SPECC1L: variants seen among roughly 807,000 people sequenced by gnomAD.
SPECC1L encodes sperm antigen with calponin homology and coiled-coil domains 1 like, also known as cytospin-A.
Under a neutral mutation model 116.8 loss-of-function variants are expected in SPECC1L, and 40 were observed. That is an observed-to-expected ratio of 0.34 (90% CI 0.27 to 0.45). SPECC1L has a LOEUF of 0.45. Ranked by LOEUF, SPECC1L falls within the 20% of genes least tolerant of loss-of-function variation. The pLI is 1.00. For synonymous variants in SPECC1L, 504 were observed against 500.6 expected (o/e 1.01, Z -0.09); for missense variants, 1,110 against 1,373.6 (o/e 0.81, Z 3.03).
intron 11 of SPECC1L, among the ~76,000 whole-genome samples, chr22:24,354,132 G>A (rs1176645138): frequency 1.3e-5 from 2 of 152,108 alleles, no homozygotes; most frequent in Non-Finnish European, 2.9e-5. Flanking sequence ...ATCTCACAAG[G>A]ACAGCACCAA....
intron 11 of SPECC1L, among the ~76,000 whole-genome samples, chr22:24,355,303 A>AG (rs1464090606): frequency 3.3e-5 from 5 of 149,972 alleles, no homozygotes; most frequent in African/African-American, 9.8e-5. Flanking sequence ...AAAAAAAAAA[A>AG]GGAAACCAAG....
chr22:24,273,089 TTG>T (rs1314158124), intron 1 of SPECC1L, among the ~76,000 whole-genome samples: 2 of 152,212 alleles, frequency 1.3e-5, no homozygotes, highest in Non-Finnish European at 2.9e-5. Context: ...AAAGTGAAGT[TTG>T]TATCAAAATT....
chr22:24,290,747 C>G (rs775269369), intron 2 of SPECC1L, among the ~76,000 whole-genome samples: 4 of 152,234 alleles, frequency 2.6e-5, no homozygotes, highest in Non-Finnish European at 5.9e-5. Flanking sequence ...TGGAGTCTCA[C>G]TCCAAGTCTT....
At chr22:24,332,041 G>C (rs1569424056) in intron 8 of SPECC1L, among the ~76,000 whole-genome samples, 1 of 152,160 alleles carries the variant, frequency 6.6e-6, no homozygotes, top group Admixed American at 6.5e-5. Flanking sequence ...AGTTTGAGCT[G>C]CTTTCTTTTT....
At chr22:24,288,111 G>A (rs1179577237) in intron 2 of SPECC1L, among the ~76,000 whole-genome samples, 1 of 152,012 alleles carries the variant, frequency 6.6e-6, no homozygotes, top group African/African-American at 2.4e-5. Flanking sequence ...CAGAACTGTG[G>A]CTTTCTCAGC....
intron 10 of SPECC1L, among the ~76,000 whole-genome samples, chr22:24,342,931 G>A (rs966125741): frequency 2.0e-5 from 3 of 152,102 alleles, no homozygotes; most frequent in Admixed American, 6.5e-5. Context: ...AGTGGCTCAC[G>A]CCTATAATCC....
chr22:24,311,732 A>C (rs192962524), intron 3 of SPECC1L, among the ~76,000 whole-genome samples: 183 of 150,462 alleles, frequency 1.2e-3, no homozygotes, highest in African/African-American at 4.0e-3. Context: ...TTGTACCCGG[A>C]AGGTGGAGAT....
chr22:24,304,872 C>G (rs2049459552), intron 3 of SPECC1L, among the ~76,000 whole-genome samples: 1 of 152,186 alleles, frequency 6.6e-6, no homozygotes, highest in African/African-American at 2.4e-5. Flanking sequence ...TTGGGCTTGA[C>G]TTAGAGAAGT....
intron 1 of SPECC1L, 24 bp from the exon 2 acceptor site, chr22:24,276,676 C>T (rs1230263168): frequency 4.9e-6 from 2 of 408,274 alleles, no homozygotes; most frequent in Non-Finnish European, 9.6e-6. Flanking sequence ...TAAAGCTATT[C>T]TATTCTTCCT....
chr22:24,310,165 C>G (rs1454234382), intron 3 of SPECC1L, among the ~76,000 whole-genome samples: 1 of 152,222 alleles, frequency 6.6e-6, no homozygotes, highest in Non-Finnish European at 1.5e-5. Context: ...AAATCTCTCT[C>G]CATACCAATT....
chr22:24,323,635 T>G (rs2040763926), intron 5 of SPECC1L, among the ~76,000 whole-genome samples: 1 of 152,252 alleles, frequency 6.6e-6, no homozygotes, highest in South Asian at 2.1e-4. Flanking sequence ...ATTTATTTGT[T>G]ATTTTAGTGC....
At chr22:24,339,194 G>A (rs1018648949) in intron 10 of SPECC1L, among the ~76,000 whole-genome samples, 2 of 152,166 alleles carry the variant, frequency 1.3e-5, no homozygotes, top group Admixed American at 6.5e-5. Context: ...CTCCTTCACA[G>A]CATGGTTATC....
chr22:24,329,062 T>A (rs957989523), intron 7 of SPECC1L, 143 bp downstream of exon 7: 2 of 708,076 alleles, frequency 2.8e-6, no homozygotes. Context: ...AGAAAGCAAA[T>A]GCTATCATTT....
chr22:24,341,576 A>G (rs1185887905), intron 10 of SPECC1L, among the ~76,000 whole-genome samples: 1 of 152,226 alleles, frequency 6.6e-6, no homozygotes, highest in Non-Finnish European at 1.5e-5. Flanking sequence ...GGAGATCCTT[A>G]AGTAGCTATA....
intron 14 of SPECC1L, among the ~76,000 whole-genome samples, chr22:24,371,110 GA>G (rs1449657588): frequency 6.6e-6 from 1 of 151,238 alleles, no homozygotes; most frequent in Non-Finnish European, 1.5e-5. Context: ...ACTGCAAAAA[GA>G]AAAAAAAGAA....
chr22:24,357,656 T>A (rs2041558748), intron 11 of SPECC1L, among the ~76,000 whole-genome samples: 1 of 152,230 alleles, frequency 6.6e-6, no homozygotes, highest in Non-Finnish European at 1.5e-5. Context: ...GAGTTTGAGT[T>A]AATCTGCTCA....
intron 11 of SPECC1L, among the ~76,000 whole-genome samples, chr22:24,355,324 T>TAAATGTGC (rs2041508918): frequency 6.7e-6 from 1 of 149,116 alleles, no homozygotes; most frequent in Admixed American, 6.7e-5. Flanking sequence ...ATCCAGGTGC[T>TAAATGTGC]AAATGTGCTC....
intron 6 of SPECC1L, among the ~76,000 whole-genome samples, chr22:24,325,442 T>C (rs1045395112): frequency 2.0e-5 from 3 of 152,152 alleles, no homozygotes; most frequent in Non-Finnish European, 2.9e-5. Flanking sequence ...ACTGTAGAGA[T>C]TGTAAAGTTT....
At chr22:24,337,199 G>A (rs1432883098) in intron 9 of SPECC1L, among the ~76,000 whole-genome samples, 2 of 152,140 alleles carry the variant, frequency 1.3e-5, no homozygotes, top group African/African-American at 4.8e-5. Context: ...CCATGCATTC[G>A]ATGAATGGAT....
Sources: allele counts gnomAD v4.1 joint callset (sites outside exome capture counted in the v4.1 genomes callset), GRCh38; gene constraint gnomAD v4.1.1; transcripts MANE v1.5; gene names NCBI Gene and HGNC (gene_info 2026-07-23, HGNC 2026-07-21).